PPME1: variants seen among roughly 807,000 people sequenced by gnomAD.
The protein encoded by PPME1 is testicular secretory protein Li 39.
In PPME1, 17 loss-of-function variants were observed where a neutral mutation model predicts 56.9. The ratio of observed to expected loss-of-function variants is 0.30; its 90% CI spans 0.20 to 0.45. The LOEUF (loss-of-function observed/expected upper bound fraction) is 0.45, where lower values mean the gene tolerates loss of function less well. Among genes scored for constraint, PPME1 ranks in the 20% least tolerant of loss-of-function variants. PPME1 has a pLI of 1.00. For synonymous variants in PPME1, 122 were observed against 156.2 expected, an observed-to-expected ratio of 0.78 and a Z score of 1.63; for missense variants, 357 against 483.2, an observed-to-expected ratio of 0.74 and a Z score of 2.45.
chr11:74,183,772 G>A (rs1238402076), intron 1 of PPME1, among the ~76,000 whole-genome samples: 1 of 152,072 alleles, frequency 6.6e-6, no homozygotes, highest in Non-Finnish European at 1.5e-5. Flanking sequence ...CAACAAGATT[G>A]TGATCTGCTT....
rs1267901985 is a variant in PPME1 at position 74,230,634 on chromosome 11, G to A, written c.553+235G>A. Among the ~76,000 whole-genome samples the A allele has an allele frequency of 6.6e-6, 1 of 151,880 alleles. No homozygotes were observed. The highest frequency in any genetic ancestry group is 2.4e-5 in the African/African-American group (1 of 41,320). ...TCAATCCTATGTATGTCCCATAATT[G>A]TATTTAATCATATAAAAAGAAGCTG... is the stretch of plus-strand genomic sequence containing the variant. On this transcript the variant is annotated intron_variant, in intron 6 of 13. Transcript: ENST00000328257. The surrounding 1 kb of genome is among the most constrained non-coding windows in gnomAD (Gnocchi z 4.9).
At chr11:74,187,082 C>T (rs1481940372) in intron 1 of PPME1, among the ~76,000 whole-genome samples, 2 of 152,118 alleles carry the variant, frequency 1.3e-5, no homozygotes, top group African/African-American at 4.8e-5. Context: ...TTTTTGAACC[C>T]TCAATTCTAT....
intron 1 of PPME1, among the ~76,000 whole-genome samples, chr11:74,196,212 A>G (rs1023096436): frequency 1.1e-4 from 17 of 152,366 alleles, no homozygotes; most frequent in East Asian, 1.9e-4. Flanking sequence ...GTATGTAGCC[A>G]TAGTATGAAA....
At chr11:74,178,295 G>T (rs962087991) in intron 1 of PPME1, among the ~76,000 whole-genome samples, 6 of 152,250 alleles carry the variant, frequency 3.9e-5, no homozygotes, top group African/African-American at 1.4e-4. Flanking sequence ...TCCCAGAAAT[G>T]CAAGCTCCCC....
intron 3 of PPME1, chr11:74,204,801 G>A (rs909832934): frequency 2.4e-5 from 4 of 168,190 alleles, no homozygotes; most frequent in African/African-American, 4.8e-5. Context: ...AAGTAACTGC[G>A]GTGAGTAAAA....
chr11:74,222,420 C>A, intron 4 of PPME1, 51 bp downstream of exon 4: 1 of 1,445,534 alleles, frequency 6.9e-7, no homozygotes, highest in South Asian at 1.1e-5. Context: ...CATCAAGCCC[C>A]TTTGAATAGT....
Position 74,239,150 on chromosome 11 carries a change from G to C in PPME1, c.728G>C (p.Ser243Thr). 6.2e-7 allele frequency: 1 copy of C among 1,613,282 alleles called. No individual in the cohort carries two copies. Among genetic ancestry groups the C allele is most frequent in the Non-Finnish European group, 8.5e-7 (1 of 1,179,576 alleles). ...AAACCTAGGTGTGAAGGAATTACAA[G>C]TCCAGAAGGCTCAAAATCTATAGTG... ...GQVKQCEGIT[S>T]PEGSKSIVEG... The change falls in exon 9 of 14, where the codon AGT becomes ACT. Residue 243 changes from serine (S) to threonine (T), a missense_variant. Ser to Thr is a moderately conservative substitution (Grantham distance 58). Around this residue, in one of 2 missense-constraint regions of PPME1, gnomAD observed 182 missense variants for 293.8 expected, o/e 0.62. Transcript: ENST00000328257.
At chr11:74,172,584 G>A (rs998878542) in intron 1 of PPME1, among the ~76,000 whole-genome samples, 7 of 152,176 alleles carry the variant, frequency 4.6e-5, no homozygotes, top group African/African-American at 1.7e-4. Context: ...ATTTTAGATC[G>A]TTAAATGGCT....
intron 3 of PPME1, among the ~76,000 whole-genome samples, chr11:74,216,076 C>T (rs1425572243): frequency 6.6e-6 from 1 of 152,140 alleles, no homozygotes; most frequent in Non-Finnish European, 1.5e-5. Flanking sequence ...CTTCAATACC[C>T]CACTTTCAGT....
chr11:74,236,302 A>G (rs568929172), intron 8 of PPME1, among the ~76,000 whole-genome samples: 136 of 152,326 alleles, frequency 8.9e-4, no homozygotes, highest in African/African-American at 3.2e-3. Flanking sequence ...TTCTAGTAAC[A>G]GTCTCCTTCT....
At chr11:74,209,437 C>T (rs1233274308) in intron 3 of PPME1, among the ~76,000 whole-genome samples, 1 of 152,104 alleles carries the variant, frequency 6.6e-6, no homozygotes, top group Non-Finnish European at 1.5e-5. Flanking sequence ...ATTTACCCCA[C>T]GCACATCCAC....
At chr11:74,251,781 A>G in intron 13 of PPME1, 66 bp downstream of exon 13, 4 of 1,580,170 alleles carry the variant, frequency 2.5e-6, no homozygotes, top group Non-Finnish European at 3.5e-6. Context: ...AGACACTTGT[A>G]GGACTGTAAA....
chr11:74,252,372 T>C, intron 13 of PPME1: 1 of 451,612 alleles, frequency 2.2e-6, no homozygotes, highest in South Asian at 1.6e-5. Context: ...ATAGGGATTA[T>C]AGGCACAAGC....
chr11:74,247,327 A>G (rs1349329931), intron 11 of PPME1, among the ~76,000 whole-genome samples: 1 of 152,166 alleles, frequency 6.6e-6, no homozygotes, highest in Admixed American at 6.5e-5. Context: ...GTTTAAAAAA[A>G]AATCCATCCA....
At chr11:74,194,858 A>C (rs1354827058) in intron 1 of PPME1, among the ~76,000 whole-genome samples, 2 of 152,198 alleles carry the variant, frequency 1.3e-5, no homozygotes, top group Non-Finnish European at 1.5e-5. Context: ...GACTACAACA[A>C]GAAAAATATG....
chr11:74,246,036 G>T lies in PPME1; in HGVS notation c.835-40G>T, dbSNP rs777622306. 108 of 1,559,138 alleles carry T rather than the reference G, an allele frequency of 6.9e-5. 1 individual carries two copies. The Admixed American group carries it at 1.5e-3, about 22-fold the overall frequency. ...AGTTTTTAATCCTGTTCCTCCAGGG[G>T]TTGCCCTCGGAGACTCAGAACTTGC... On this transcript the variant is annotated intron_variant, in intron 9 of 13. Transcript: ENST00000328257.
At chr11:74,204,691 T>G (rs570882895) in intron 3 of PPME1, among the ~76,000 whole-genome samples, 1 of 152,164 alleles carries the variant, frequency 6.6e-6, no homozygotes, top group East Asian at 1.9e-4. Flanking sequence ...AGTAAAGGTT[T>G]GGGGAGAAAA....
chr11:74,201,472 T>C (rs1276500689), intron 1 of PPME1, among the ~76,000 whole-genome samples: 1 of 152,190 alleles, frequency 6.6e-6, no homozygotes, highest in African/African-American at 2.4e-5. Flanking sequence ...ACTTAAGCCT[T>C]ATTACTTTTC....
At chr11:74,224,776 A>T (rs1487276880) in intron 4 of PPME1, among the ~76,000 whole-genome samples, 2 of 150,414 alleles carry the variant, frequency 1.3e-5, no homozygotes, top group African/African-American at 5.0e-5. Context: ...AATGCTTGTG[A>T]TTTTTGTACA....
Sources: gnomAD v4.1 joint callset for allele counts (sites outside exome capture counted in the v4.1 genomes callset) on GRCh38, gnomAD v4.1.1 for gene constraint, gnomAD v4.1.1 regional missense constraint, Gnocchi (gnomAD v3.1) non-coding constraint, MANE v1.5 for transcripts, NCBI Gene and HGNC (gene_info 2026-07-23, HGNC 2026-07-21) for gene names.